The following PPP1R14C variants were observed in gnomAD, a reference collection of about 807,000 sequenced individuals.
The protein encoded by PPP1R14C is protein phosphatase 1 regulatory inhibitor subunit 14C.
In PPP1R14C, 16 loss-of-function variants were observed where a neutral mutation model predicts 20.4. The ratio of observed to expected loss-of-function variants is 0.78; its 90% CI spans 0.53 to 1.19. PPP1R14C has a LOEUF of 1.19. PPP1R14C is among the 50% of genes most tolerant of loss of function. PPP1R14C has a pLI of 0.00. For missense variants in PPP1R14C, 211 were observed against 220.1 expected, an observed-to-expected ratio of 0.96 and a Z score of 0.26; for synonymous variants, 91 against 91.0, an observed-to-expected ratio of 1.00 and a Z score of 0.00.
chr6:150,209,791 GAGTA>G (rs539960930), intron 1 of PPP1R14C, among the ~76,000 whole-genome samples: 1,651 of 150,936 alleles, frequency 0.011, 31 homozygotes, highest in African/African-American at 0.039. Flanking sequence ...GCATGTGAGT[GAGTA>G]GTGTGGAGTG....
intron 1 of PPP1R14C, among the ~76,000 whole-genome samples, chr6:150,175,605 A>G (rs1365544773): frequency 6.6e-6 from 1 of 152,216 alleles, no homozygotes; most frequent in African/African-American, 2.4e-5. Context: ...TCCAAATGCA[A>G]GGAAGTTACT....
In PPP1R14C at chr6:150,160,564, C is replaced by T. The variant is rs113043497; in HGVS notation, c.306+17066C>T. ...CTGGGATTACAGACGTGAGCCACCG[C>T]GCCCAGTAGCTCATTCTTAAGTAAT... On this transcript the variant is annotated intron_variant, in intron 1 of 3. Coordinates refer to ENST00000361131, the MANE Select transcript of PPP1R14C (RefSeq NM_030949.3). 6.1e-3 allele frequency among the ~76,000 whole-genome samples: 935 copies of T among 152,044 alleles called. 9 individuals carry two copies. Among genetic ancestry groups the T allele is most frequent in the African/African-American group, 0.021 (887 of 41,464 alleles).
At chr6:150,234,252 T>C (rs900963558) in intron 3 of PPP1R14C, among the ~76,000 whole-genome samples, 1 of 152,016 alleles carries the variant, frequency 6.6e-6, no homozygotes, top group African/African-American at 2.4e-5. Flanking sequence ...GGGAAAGATG[T>C]GGAAGAACTG....
At chr6:150,211,820 G>A (rs752434175) in intron 1 of PPP1R14C, among the ~76,000 whole-genome samples, 43 of 152,134 alleles carry the variant, frequency 2.8e-4, no homozygotes, top group Non-Finnish European at 5.0e-4. Context: ...AGCTGGGAGC[G>A]GGATGCCTTT....
chr6:150,182,837 A>C (rs1203321392), intron 1 of PPP1R14C, among the ~76,000 whole-genome samples: 1 of 152,192 alleles, frequency 6.6e-6, no homozygotes, highest in African/African-American at 2.4e-5. Flanking sequence ...TGAACTACAC[A>C]CGCCTAGATG....
At chr6:150,149,443 A>ATTTT (rs1216146263) in intron 1 of PPP1R14C, among the ~76,000 whole-genome samples, 4 of 119,934 alleles carry the variant, frequency 3.3e-5, no homozygotes, top group African/African-American at 1.3e-4. Context: ...CTCCCACCTA[A>ATTTT]TTTTTTTTTT....
In PPP1R14C at chr6:150,249,131, A is replaced by G. The variant is rs1778531232; in HGVS notation, c.*311A>G. 2.4e-6 allele frequency: 1 copy of G among 414,724 alleles called. No individual in the cohort carries two copies. 25.7% of individuals were successfully genotyped at this position (414,724 alleles called of 1,614,324 possible). The stretch of plus-strand genomic sequence containing the variant: ...GCCACGCCAGGCTGCGTTTCCTGCA[A>G]GGACTCAGATGTTCAGTACCTTATG... On this transcript the variant is annotated 3_prime_UTR_variant, in exon 4 of 4. Transcript: ENST00000361131.
intron 1 of PPP1R14C, among the ~76,000 whole-genome samples, chr6:150,162,547 A>G (rs1401020267): frequency 6.6e-6 from 1 of 152,242 alleles, no homozygotes; most frequent in Non-Finnish European, 1.5e-5. Flanking sequence ...TTATGGCTGA[A>G]TAAGATGCCA....
chr6:150,238,437 G>A (rs1778389567), intron 3 of PPP1R14C, among the ~76,000 whole-genome samples: 1 of 152,230 alleles, frequency 6.6e-6, no homozygotes, highest in Non-Finnish European at 1.5e-5. Flanking sequence ...AGTCATTTCC[G>A]GATTCTGTGG....
chr6:150,158,305 A>AT (rs930850845), intron 1 of PPP1R14C, among the ~76,000 whole-genome samples: 189 of 151,666 alleles, frequency 1.2e-3, no homozygotes, highest in Admixed American at 2.2e-3. Context: ...GGCTTATGAG[A>AT]TTTTTTTTTA....
chr6:150,231,721 G>A (rs1163035887), intron 3 of PPP1R14C, among the ~76,000 whole-genome samples: 3 of 152,204 alleles, frequency 2.0e-5, no homozygotes, highest in East Asian at 3.8e-4. Flanking sequence ...CATTGTAACT[G>A]TGTGAAGAAT....
chr6:150,239,376 G>A (rs1778405658), intron 3 of PPP1R14C, among the ~76,000 whole-genome samples: 1 of 152,222 alleles, frequency 6.6e-6, no homozygotes, highest in Admixed American at 6.5e-5. Flanking sequence ...CATACAAAGT[G>A]TGTTCTTTGA....
chr6:150,218,291 T>C (rs1292494907), intron 3 of PPP1R14C, among the ~76,000 whole-genome samples: 1 of 151,958 alleles, frequency 6.6e-6, no homozygotes, highest in Non-Finnish European at 1.5e-5. Context: ...TAGTCCTAGC[T>C]ACTCGGGAGG....
In PPP1R14C at chr6:150,200,559, G is replaced by A. The variant is rs192327011; in HGVS notation, c.307-14185G>A. Among the ~76,000 whole-genome samples, 11 of 152,226 alleles carry A rather than the reference G, an allele frequency of 7.2e-5. No individual in the cohort carries two copies. The East Asian group carries it at 7.7e-4, about 11-fold the overall frequency. ...ACTGGAGCAGGAGACACAGTGATGC[G>A]TCTCATGGCCCTGCCCCTGGCTCTC... On this transcript the variant is annotated intron_variant, in intron 1 of 3. Coordinates refer to ENST00000361131, the MANE Select transcript of PPP1R14C (RefSeq NM_030949.3).
At chr6:150,159,716 A>G (rs1777344148) in intron 1 of PPP1R14C, among the ~76,000 whole-genome samples, 2 of 152,142 alleles carry the variant, frequency 1.3e-5, no homozygotes, top group Non-Finnish European at 2.9e-5. Flanking sequence ...ATACTCTGCA[A>G]CAGGTTTTAC....
At chr6:150,234,815 C>G (rs1778337374) in intron 3 of PPP1R14C, among the ~76,000 whole-genome samples, 1 of 125,358 alleles carries the variant, frequency 8.0e-6, no homozygotes, top group East Asian at 2.7e-4. Context: ...CGCCACTGAA[C>G]TCCAACCTGG....
intron 1 of PPP1R14C, among the ~76,000 whole-genome samples, chr6:150,184,144 T>C (rs1777651599): frequency 6.6e-6 from 1 of 152,228 alleles, no homozygotes; most frequent in Non-Finnish European, 1.5e-5. Context: ...TTTGCAGGTG[T>C]AGTCACACAT....
At chr6:150,181,864 T>C (rs1382069588) in intron 1 of PPP1R14C, among the ~76,000 whole-genome samples, 2 of 152,262 alleles carry the variant, frequency 1.3e-5, no homozygotes, top group Non-Finnish European at 2.9e-5. Context: ...TCTTTTTCAT[T>C]GCTTCTCAAA....
chr6:150,194,714 A>T (rs9397729), intron 1 of PPP1R14C: 677,282 of 985,086 alleles, frequency 0.69, 235,210 homozygotes, highest in East Asian at 0.99. Flanking sequence ...TTGCTTGTTC[A>T]GCTATAAAAC....
Sources: allele counts gnomAD v4.1 joint callset (sites outside exome capture counted in the v4.1 genomes callset), GRCh38; gene constraint gnomAD v4.1.1; transcripts MANE v1.5; gene names NCBI Gene and HGNC (gene_info 2026-07-23, HGNC 2026-07-21).